RBFOX2: variants seen among roughly 807,000 people sequenced by gnomAD.
The protein encoded by RBFOX2 is RNA binding fox-1 homolog 2.
RBFOX2 carries 10 observed loss-of-function variants against 49.1 expected under a neutral mutation model. That is an observed-to-expected ratio of 0.20 (90% CI 0.13 to 0.35). RBFOX2 has a LOEUF of 0.35. RBFOX2 is among the 10% of genes least tolerant of loss of function. RBFOX2 has a pLI of 1.00. For synonymous variants in RBFOX2, 183 were observed against 187.4 expected (o/e 0.98, Z 0.19); for missense variants, 323 against 486.9 (o/e 0.66, Z 3.17).
At chr22:35,897,711 C>G in intron 1 of RBFOX2, 2 of 905,892 alleles carry the variant, frequency 2.2e-6, no homozygotes, top group Non-Finnish European at 3.7e-6. Flanking sequence ...CCTTCCAGCC[C>G]AAGGAAACAA....
chr22:35,810,780 C>A (rs1029376887), intron 1 of RBFOX2, among the ~76,000 whole-genome samples: 31 of 152,132 alleles, frequency 2.0e-4, no homozygotes, highest in Non-Finnish European at 1.3e-4. Flanking sequence ...GATATATGCA[C>A]TTATATTCTC....
Position 35,987,269 on chromosome 22 carries a change from C to T in RBFOX2, c.186+40971G>A, listed in dbSNP as rs768030781. Reference sequence around the variant, plus strand: ...TTGTAGAAAAACCAAGGGATAAGAACAAATTTAGGCTGTTCTTTACAATTC... The same window carrying T: ...TTGTAGAAAAACCAAGGGATAAGAATAAATTTAGGCTGTTCTTTACAATTC... On this transcript the variant is annotated intron_variant, in intron 1 of 13. Transcript: ENST00000438146. Among the ~76,000 whole-genome samples the T allele has an allele frequency of 2.5e-4, 38 of 152,116 alleles. 1 individual carries two copies. The highest frequency in any genetic ancestry group is 3.8e-4 in the Non-Finnish European group (26 of 68,012).
At chr22:35,954,475 T>TA (rs1247418032) in intron 1 of RBFOX2, among the ~76,000 whole-genome samples, 3 of 152,164 alleles carry the variant, frequency 2.0e-5, no homozygotes, top group African/African-American at 7.2e-5. Flanking sequence ...ACTTCAAGCT[T>TA]AAATTACTCT....
At chr22:35,851,136 G>T (rs2041893120) in intron 1 of RBFOX2, among the ~76,000 whole-genome samples, 1 of 152,070 alleles carries the variant, frequency 6.6e-6, no homozygotes, top group Non-Finnish European at 1.5e-5. Flanking sequence ...TTTATTTTAG[G>T]ATTGTTCAGA....
intron 1 of RBFOX2, among the ~76,000 whole-genome samples, chr22:36,025,312 TG>T (rs1246883188): frequency 3.9e-5 from 6 of 152,214 alleles, no homozygotes; most frequent in African/African-American, 1.4e-4. Flanking sequence ...AGCATCTGAA[TG>T]GCCCATTACC....
chr22:35,857,174 C>T lies in RBFOX2; in HGVS notation c.-33-47170G>A, dbSNP rs6000016. On this transcript the variant is annotated intron_variant, in intron 1 of 13. Coordinates refer to the RBFOX2 transcript ENST00000359369. ...ATGGAAGGACTAGGACATCCTGCTA[C>T]GTATTTCAGATCTGATCTTTAAAGA... Among the ~76,000 whole-genome samples the T allele has an allele frequency of 4.4e-3, 665 of 152,240 alleles. 4 individuals are homozygous for T. Among genetic ancestry groups the T allele is most frequent in the African/African-American group, 0.014 (579 of 41,536 alleles).
At chr22:35,821,602 CAAAAAAA>C (rs1158936385) in intron 1 of RBFOX2, among the ~76,000 whole-genome samples, 3 of 36,414 alleles carry the variant, frequency 8.2e-5, no homozygotes, top group South Asian at 2.4e-3. Flanking sequence ...ACTCCGTCTC[CAAAAAAA>C]AAAAAAAAAA....
intron 1 of RBFOX2, among the ~76,000 whole-genome samples, chr22:36,023,076 AAC>A (rs201699916): frequency 0.028 from 4,198 of 152,294 alleles, 74 homozygotes; most frequent in South Asian, 0.071. Flanking sequence ...AGAAAAAAAA[AAC>A]ACAATATTTT....
rs1009021083 is a variant in RBFOX2, at chr22:35,933,953, T to TATATATATATATATATATAC, written c.-34+4893_-34+4894insGTATATATATATATATATAT. Reference sequence around the variant, plus strand: ...ATATATATATATATATATATATATATACACACATCAATGAAATAAATTAGA... The same window carrying TATATATATATATATATATAC: ...ATATATATATATATATATATATATATATATATATATATATATATACACACACATCAATGAAATAAATTAGA... On this transcript the variant is annotated intron_variant, in intron 1 of 13. Coordinates refer to the RBFOX2 transcript ENST00000359369. 6.9e-3 allele frequency among the ~76,000 whole-genome samples: 975 copies of TATATATATATATATATATAC among 140,718 alleles called. 31 individuals carry two copies. The highest frequency in any genetic ancestry group is 0.026 in the African/African-American group (928 of 35,450). The allele number at this position is 140,718 out of a possible 152,430, so 92.3% of individuals were successfully genotyped here.
chr22:35,818,923 A>G (rs1953806875), intron 1 of RBFOX2, among the ~76,000 whole-genome samples: 1 of 152,346 alleles, frequency 6.6e-6, no homozygotes, highest in Non-Finnish European at 1.5e-5. Flanking sequence ...GTTGTAGTCT[A>G]CCTCTTTAAA....
At chr22:35,868,229 A>G (rs1364250455) in intron 1 of RBFOX2, among the ~76,000 whole-genome samples, 2 of 152,190 alleles carry the variant, frequency 1.3e-5, no homozygotes. Context: ...CTGTCTCAAA[A>G]ATAAATAAAC....
At chr22:35,831,247 T>C (rs1956741867) in intron 1 of RBFOX2, among the ~76,000 whole-genome samples, 1 of 152,054 alleles carries the variant, frequency 6.6e-6, no homozygotes, top group East Asian at 1.9e-4. Flanking sequence ...ATCGAGACCA[T>C]CCTGGCTAAC....
intron 1 of RBFOX2, among the ~76,000 whole-genome samples, chr22:35,878,049 C>T (rs887366662): frequency 4.6e-4 from 69 of 148,854 alleles, no homozygotes; most frequent in African/African-American, 8.8e-4. Context: ...TACACACACA[C>T]ACACACACAC....
chr22:36,024,593 T>C (rs1038915977), intron 1 of RBFOX2, among the ~76,000 whole-genome samples: 2 of 151,622 alleles, frequency 1.3e-5, no homozygotes, highest in African/African-American at 4.8e-5. Context: ...ATACAAAAAT[T>C]AGCGGGGTGT....
At chr22:35,961,358 A>C (rs2056185672) in intron 1 of RBFOX2, among the ~76,000 whole-genome samples, 1 of 152,222 alleles carries the variant, frequency 6.6e-6, no homozygotes, top group African/African-American at 2.4e-5. Context: ...TGTTAAATAA[A>C]TGTCTTCTTT....
chr22:35,889,555 A>G (rs894549578), intron 1 of RBFOX2, among the ~76,000 whole-genome samples: 1 of 152,106 alleles, frequency 6.6e-6, no homozygotes, highest in African/African-American at 2.4e-5. Flanking sequence ...CTTACACAAC[A>G]ATCACCTAAC....
At chr22:35,771,915 C>T (rs1942779094) in intron 4 of RBFOX2, among the ~76,000 whole-genome samples, 1 of 152,130 alleles carries the variant, frequency 6.6e-6, no homozygotes, top group African/African-American at 2.4e-5. Context: ...TCACTTCACT[C>T]TTAGAAATTG....
Position 35,759,944 on chromosome 22 carries a change from C to T in RBFOX2, c.831G>A (p.Arg277=). 1 of 1,613,756 alleles carries T rather than the reference C, an allele frequency of 6.2e-7. No individual in the cohort carries two copies. The highest frequency in any genetic ancestry group is 1.1e-5 in the South Asian group (1 of 91,050). The change falls in exon 9 of 12, where the codon CGG becomes CGA. Residue 277 remains arginine, a synonymous_variant. Transcript: ENST00000405409. This position sits in a 1 kb window ranked among gnomAD's most constrained non-coding sequence, Gnocchi z 4.6. ...CCGCTCGGACTGCACCATATACTGT[C>T]CGCCCTCTGCCCCTCAAATGGGCTC...
intron 1 of RBFOX2, among the ~76,000 whole-genome samples, chr22:35,869,980 C>T (rs2044165187): frequency 6.6e-6 from 1 of 152,084 alleles, no homozygotes; most frequent in African/African-American, 2.4e-5. Context: ...ACTATACAGT[C>T]TCTTACTCTA....
Sources: allele counts gnomAD v4.1 joint callset (sites outside exome capture counted in the v4.1 genomes callset), GRCh38; gene constraint gnomAD v4.1.1; non-coding constraint Gnocchi (gnomAD v3.1); transcripts MANE v1.5; gene names NCBI Gene and HGNC (gene_info 2026-07-23, HGNC 2026-07-21).